PLCL1: variants seen among roughly 807,000 people sequenced by gnomAD.
PLCL1 encodes the protein inactive phospholipase C-like protein 1.
PLCL1 carries 41 observed loss-of-function variants against 84.4 expected under a neutral mutation model. The ratio of observed to expected loss-of-function variants is 0.49; its 90% CI spans 0.38 to 0.63. The LOEUF (loss-of-function observed/expected upper bound fraction) is 0.63, where lower values mean the gene tolerates loss of function less well. Ranked by LOEUF, PLCL1 falls within the 30% of genes least tolerant of loss-of-function variation. PLCL1 has a pLI of 0.00. For synonymous variants in PLCL1, 490 were observed against 488.3 expected (o/e 1.00, Z -0.05); for missense variants, 1,206 against 1,367.8 (o/e 0.88, Z 1.87).
chr2:198,137,772 T>G (rs1442608041), intron 5 of PLCL1, among the ~76,000 whole-genome samples: 8 of 152,196 alleles, frequency 5.3e-5, no homozygotes, highest in African/African-American at 1.9e-4. Flanking sequence ...GTACTTAGCA[T>G]AATTTAAGGT....
chr2:198,034,738 C>T (rs1377168159), intron 1 of PLCL1, among the ~76,000 whole-genome samples: 3 of 152,162 alleles, frequency 2.0e-5, no homozygotes, highest in Non-Finnish European at 2.9e-5. Flanking sequence ...TCATCTCTAA[C>T]AAAGGGCAAA....
At chr2:197,905,713 A>T (rs2105741273) in intron 1 of PLCL1, among the ~76,000 whole-genome samples, 1 of 152,338 alleles carries the variant, frequency 6.6e-6, no homozygotes, top group East Asian at 1.9e-4. Flanking sequence ...CTATTTCTCC[A>T]CAGCCTTGCC....
intron 1 of PLCL1, among the ~76,000 whole-genome samples, chr2:198,004,546 TA>T (rs1475640846): frequency 2.0e-5 from 3 of 152,158 alleles, no homozygotes; most frequent in African/African-American, 2.4e-5. Context: ...TGTATTTGGT[TA>T]AAAAAAACTT....
chr2:197,850,277 C>G (rs1445045927), intron 1 of PLCL1, among the ~76,000 whole-genome samples: 26 of 152,176 alleles, frequency 1.7e-4, no homozygotes, highest in Admixed American at 1.7e-3. Context: ...CTGTCTCACC[C>G]CACCATTTCC....
At chr2:198,013,319 T>TA (rs1690914107) in intron 1 of PLCL1, among the ~76,000 whole-genome samples, 2 of 152,140 alleles carry the variant, frequency 1.3e-5, no homozygotes, top group African/African-American at 4.8e-5. Context: ...TATATGGTGA[T>TA]ATTGAAGATC....
intron 1 of PLCL1, among the ~76,000 whole-genome samples, chr2:198,061,197 A>T (rs1234427547): frequency 1.3e-5 from 2 of 152,258 alleles, no homozygotes; most frequent in African/African-American, 4.8e-5. Context: ...GATTACTGAA[A>T]GCCACTGATC....
chr2:198,077,705 A>G (rs559233228), intron 1 of PLCL1, among the ~76,000 whole-genome samples: 45 of 152,290 alleles, frequency 3.0e-4, no homozygotes, highest in African/African-American at 1.1e-3. Flanking sequence ...GGTTTGACTC[A>G]TATATCCAAC....
At chr2:197,991,801 T>C (rs1690350962) in intron 1 of PLCL1, among the ~76,000 whole-genome samples, 1 of 152,134 alleles carries the variant, frequency 6.6e-6, no homozygotes, top group Non-Finnish European at 1.5e-5. Context: ...CATCCTCTCC[T>C]AGCTTACTCC....
chr2:197,875,147 G>A (rs1259511927), intron 1 of PLCL1, among the ~76,000 whole-genome samples: 2 of 152,088 alleles, frequency 1.3e-5, no homozygotes, highest in Non-Finnish European at 2.9e-5. Flanking sequence ...CTAGCTGGGT[G>A]TGGTGGTGTG....
rs142436273 is a variant in PLCL1, at chr2:197,980,002, G to A, written c.241-103756G>A. Reference sequence around the variant, plus strand: ...CCTGGACTGTAAGGGGCTGTATAGGGATGTAAAAAAGAAAATGACAACATT... The same window carrying A: ...CCTGGACTGTAAGGGGCTGTATAGGAATGTAAAAAAGAAAATGACAACATT... On this transcript the variant is annotated intron_variant, in intron 1 of 5. Coordinates refer to ENST00000428675, the MANE Select transcript of PLCL1 (RefSeq NM_006226.4). Among the ~76,000 whole-genome samples, 48 of 152,266 alleles carry A rather than the reference G, an allele frequency of 3.2e-4. No individual in the cohort carries two copies. The East Asian group carries it at 8.9e-3, about 28-fold the overall frequency.
chr2:197,899,643 T>C (rs1276490087), intron 1 of PLCL1, among the ~76,000 whole-genome samples: 1 of 148,072 alleles, frequency 6.8e-6, no homozygotes, highest in Non-Finnish European at 1.5e-5. Context: ...TTCTTTCTTT[T>C]TTTTTTTTTT....
At chr2:197,847,563 T>G (rs1687147211) in intron 1 of PLCL1, among the ~76,000 whole-genome samples, 1 of 152,216 alleles carries the variant, frequency 6.6e-6, no homozygotes, top group Admixed American at 6.5e-5. Flanking sequence ...AGGAGCAGGA[T>G]TAAATACTCT....
intron 1 of PLCL1, among the ~76,000 whole-genome samples, chr2:198,054,171 A>G (rs768590796): frequency 3.3e-5 from 5 of 152,364 alleles, no homozygotes; most frequent in Non-Finnish European, 7.3e-5. Context: ...ACCTAAATAC[A>G]TAGGTATAAT....
At position 198,085,956 on chromosome 2, in the gene PLCL1, G is replaced by C; in HGVS notation, c.2439G>C (p.Thr813=). The C allele has an allele frequency of 1.9e-6, 3 of 1,614,068 alleles. No individual in the cohort carries two copies. The highest frequency in any genetic ancestry group is 1.3e-5 in the African/African-American group (1 of 75,008). ...YIGDEFIGQY[T]IPFECLQPGY... is the part of the protein sequence containing the mutation. The stretch of plus-strand genomic sequence containing the variant: ...GGGATGAGTTTATAGGGCAATATAC[G>C]ATACCATTTGAATGTTTGCAGCCTG... The change falls in exon 2 of 6, where the codon ACG becomes ACC. Residue 813 remains threonine, a synonymous_variant. Coordinates refer to ENST00000428675, the MANE Select transcript of PLCL1 (RefSeq NM_006226.4). This position sits in a 1 kb window ranked among gnomAD's most constrained non-coding sequence, Gnocchi z 5.3.
chr2:197,853,749 G>A (rs1164649681), intron 1 of PLCL1, among the ~76,000 whole-genome samples: 1 of 152,046 alleles, frequency 6.6e-6, no homozygotes, highest in East Asian at 1.9e-4. Context: ...AGTTGTCCCT[G>A]TTTCTACCCA....
chr2:198,103,461 T>A (rs1693392932), intron 4 of PLCL1, among the ~76,000 whole-genome samples: 1 of 152,054 alleles, frequency 6.6e-6, no homozygotes, highest in African/African-American at 2.4e-5. Context: ...TTTAGTTACT[T>A]TTAAATGTAC....
At chr2:198,140,122 C>T (rs1048403647) in intron 5 of PLCL1, among the ~76,000 whole-genome samples, 2 of 152,012 alleles carry the variant, frequency 1.3e-5, no homozygotes, top group South Asian at 2.1e-4. Flanking sequence ...TTAGTAGAGA[C>T]GGAGTTTCAC....
intron 1 of PLCL1, among the ~76,000 whole-genome samples, chr2:198,053,282 C>A (rs930290097): frequency 3.9e-5 from 6 of 152,326 alleles, no homozygotes; most frequent in African/African-American, 1.4e-4. Context: ...AAGGTTCAAC[C>A]CCTGCAGGCT....
At chr2:198,019,031 A>G (rs1691070077) in intron 1 of PLCL1, among the ~76,000 whole-genome samples, 1 of 152,146 alleles carries the variant, frequency 6.6e-6, no homozygotes, top group African/African-American at 2.4e-5. Context: ...CTTCCAGAGG[A>G]AGGAATACAC....
Sources: gnomAD v4.1 joint callset for allele counts (sites outside exome capture counted in the v4.1 genomes callset) on GRCh38, gnomAD v4.1.1 for gene constraint, Gnocchi (gnomAD v3.1) non-coding constraint, MANE v1.5 for transcripts, NCBI Gene and HGNC (gene_info 2026-07-23, HGNC 2026-07-21) for gene names.